The following NCKAP5 variants were observed in gnomAD, a reference collection of about 807,000 sequenced individuals.
NCKAP5 encodes NCK associated protein 5, also known as nck-associated protein 5.
In NCKAP5, 92 loss-of-function variants were observed where a neutral mutation model predicts 167.0. That is an observed-to-expected ratio of 0.55 (90% CI 0.47 to 0.66). The LOEUF (loss-of-function observed/expected upper bound fraction) is 0.66, where lower values mean the gene tolerates loss of function less well. Ranked by LOEUF, NCKAP5 falls within the 30% of genes least tolerant of loss-of-function variation. NCKAP5 has a pLI of 0.00. For synonymous variants in NCKAP5, 891 were observed against 877.4 expected, an observed-to-expected ratio of 1.02 and a Z score of -0.27; for missense variants, 2,378 against 2,315.0, an observed-to-expected ratio of 1.03 and a Z score of -0.56.
At chr2:133,115,773 G>GTATATA (rs1486037522) in intron 6 of NCKAP5, among the ~76,000 whole-genome samples, 6 of 56,140 alleles carry the variant, frequency 1.1e-4, no homozygotes, top group African/African-American at 4.1e-4. Context: ...ATATGTGTGT[G>GTATATA]TGTATATATA....
intron 3 of NCKAP5, among the ~76,000 whole-genome samples, chr2:133,308,436 G>A (rs941872067): frequency 4.5e-4 from 69 of 152,096 alleles, no homozygotes; most frequent in African/African-American, 1.6e-3. Flanking sequence ...GTATAAGGGT[G>A]TGTTTTGCCT....
At chr2:133,610,810 T>C in the NCKAP5 span, among the ~76,000 whole-genome samples, 133,915 of 152,178 alleles carry the variant, frequency 0.88, 60,110 homozygotes, top group Non-Finnish European at 0.99. Context: ...TTCTTTTTAT[T>C]TACATTTTCT....
intron 3 of NCKAP5, among the ~76,000 whole-genome samples, chr2:133,474,679 C>G (rs1176914792): frequency 1.3e-5 from 2 of 151,782 alleles, no homozygotes; most frequent in Admixed American, 6.6e-5. Flanking sequence ...TTTGTAGATA[C>G]AAAAAATAAA....
chr2:133,108,319 C>T (rs919441163), intron 6 of NCKAP5, among the ~76,000 whole-genome samples: 2 of 152,298 alleles, frequency 1.3e-5, no homozygotes, highest in Middle Eastern at 6.8e-3. Context: ...CCCCGATGCA[C>T]ATACCAGCAT....
At chr2:133,257,502 T>C (rs2088679323) in intron 4 of NCKAP5, among the ~76,000 whole-genome samples, 1 of 152,230 alleles carries the variant, frequency 6.6e-6, no homozygotes, top group Non-Finnish European at 1.5e-5. Context: ...ATAACTACTC[T>C]GATAAACAAT....
At chr2:133,009,453 T>C (rs555026220) in intron 6 of NCKAP5, among the ~76,000 whole-genome samples, 1 of 152,238 alleles carries the variant, frequency 6.6e-6, no homozygotes, top group East Asian at 1.9e-4. Flanking sequence ...TGAGGCGTAT[T>C]AGATGCTGAA....
At chr2:133,452,828 G>T (rs1176062428) in intron 3 of NCKAP5, among the ~76,000 whole-genome samples, 1 of 152,056 alleles carries the variant, frequency 6.6e-6, no homozygotes, top group East Asian at 1.9e-4. Context: ...GCCATGTGTG[G>T]CCTCTTTCCC....
At chr2:133,473,322 ACT>A (rs1469231824) in intron 3 of NCKAP5, among the ~76,000 whole-genome samples, 3 of 148,316 alleles carry the variant, frequency 2.0e-5, no homozygotes, top group African/African-American at 7.8e-5. Flanking sequence ...ACAGAGCGAG[ACT>A]CCGTCTCAAA....
chr2:133,118,668 T>G (rs962989538), intron 6 of NCKAP5: 2 of 152,064 alleles, frequency 1.3e-5, no homozygotes, highest in Admixed American at 1.3e-4. Flanking sequence ...GTGAGTAAAG[T>G]AGAATATTAT....
At chr2:132,842,962 C>G (rs965151872) in intron 11 of NCKAP5, among the ~76,000 whole-genome samples, 2 of 152,116 alleles carry the variant, frequency 1.3e-5, no homozygotes, top group African/African-American at 4.8e-5. Flanking sequence ...TTGCTATCTT[C>G]TTTGATACAA....
chr2:133,410,147 G>A (rs1688683361), intron 3 of NCKAP5, among the ~76,000 whole-genome samples: 1 of 152,220 alleles, frequency 6.6e-6, no homozygotes, highest in African/African-American at 2.4e-5. Flanking sequence ...TGCCAAGTAT[G>A]AAGTAGAATG....
At chr2:132,944,125 G>C (rs1227890674) in intron 8 of NCKAP5, among the ~76,000 whole-genome samples, 2 of 152,186 alleles carry the variant, frequency 1.3e-5, no homozygotes, top group African/African-American at 4.8e-5. Flanking sequence ...TATAACGCAA[G>C]AGCAGGAAAA....
chr2:133,312,383 T>A (rs540890866), intron 3 of NCKAP5, among the ~76,000 whole-genome samples: 55 of 152,144 alleles, frequency 3.6e-4, no homozygotes, highest in African/African-American at 1.1e-3. Flanking sequence ...TTTCCCCTTT[T>A]AAAAAAAATC....
intron 8 of NCKAP5, among the ~76,000 whole-genome samples, chr2:132,893,049 T>A (rs535013995): frequency 6.8e-6 from 1 of 146,736 alleles, no homozygotes; most frequent in African/African-American, 2.5e-5. Context: ...ATAGTCATTC[T>A]AGGAATCATT....
intron 3 of NCKAP5, among the ~76,000 whole-genome samples, chr2:133,419,345 C>T (rs1689323572): frequency 2.0e-5 from 3 of 152,248 alleles, no homozygotes; most frequent in African/African-American, 7.2e-5. Context: ...TGATTTATCC[C>T]ACTGGAAAGG....
intron 6 of NCKAP5, among the ~76,000 whole-genome samples, chr2:133,086,770 G>T (rs1433479699): frequency 2.0e-5 from 3 of 152,120 alleles, no homozygotes; most frequent in Non-Finnish European, 4.4e-5. Flanking sequence ...TTTCATGTGT[G>T]TATCAGCCTG....
At chr2:133,099,953 G>A (rs963350737) in intron 6 of NCKAP5, among the ~76,000 whole-genome samples, 24 of 152,168 alleles carry the variant, frequency 1.6e-4, no homozygotes, top group African/African-American at 5.8e-4. Flanking sequence ...ATGATCTACG[G>A]CCCACTAGCT....
At chr2:133,591,999 GTCAA>G in the NCKAP5 span, among the ~76,000 whole-genome samples, 1 of 151,910 alleles carries the variant, frequency 6.6e-6, no homozygotes, top group Admixed American at 6.6e-5. Context: ...TCCAGAAAAG[GTCAA>G]TCACTTACAC....
intron 8 of NCKAP5, among the ~76,000 whole-genome samples, chr2:132,892,788 A>G (rs1263252287): frequency 6.6e-6 from 1 of 152,192 alleles, no homozygotes; most frequent in African/African-American, 2.4e-5. Context: ...TTGCAGAGAT[A>G]GTTTATTTAT....
Sources: gnomAD v4.1 joint callset for allele counts (sites outside exome capture counted in the v4.1 genomes callset) on GRCh38, gnomAD v4.1.1 for gene constraint, MANE v1.5 for transcripts, NCBI Gene and HGNC (gene_info 2026-07-23, HGNC 2026-07-21) for gene names.